The following ACVR2A variants were observed in gnomAD, a reference collection of about 807,000 sequenced individuals.
The protein encoded by ACVR2A is activin A receptor type 2A.
ACVR2A carries 7 observed loss-of-function variants against 61.4 expected under a neutral mutation model. The ratio of observed to expected loss-of-function variants is 0.11; its 90% CI spans 0.06 to 0.21. ACVR2A has a LOEUF of 0.21. ACVR2A is among the 10% of genes least tolerant of loss of function. The pLI is 1.00. For synonymous variants in ACVR2A, 193 were observed against 208.3 expected (o/e 0.93, Z 0.63); for missense variants, 322 against 621.7 (o/e 0.52, Z 5.13).
chr2:147,903,295 G>C (rs922153120), intron 4 of ACVR2A, among the ~76,000 whole-genome samples: 1 of 144,128 alleles, frequency 6.9e-6, no homozygotes, highest in Non-Finnish European at 1.5e-5. Context: ...ATTGTTTCAT[G>C]GTATCACTTT....
At chr2:147,889,870 C>G (rs1209516558) in intron 1 of ACVR2A, among the ~76,000 whole-genome samples, 2 of 151,000 alleles carry the variant, frequency 1.3e-5, no homozygotes, top group Admixed American at 6.6e-5. Context: ...AGTCAGTAAA[C>G]CATAAGCAGT....
At chr2:147,875,607 G>A (rs1377244817) in intron 1 of ACVR2A, among the ~76,000 whole-genome samples, 1 of 152,036 alleles carries the variant, frequency 6.6e-6, no homozygotes, top group Non-Finnish European at 1.5e-5. Context: ...TTTGATGGAG[G>A]TTGTGCACTG....
intron 1 of ACVR2A, among the ~76,000 whole-genome samples, chr2:147,854,020 GT>G (rs1375557351): frequency 6.6e-6 from 1 of 152,010 alleles, no homozygotes; most frequent in African/African-American, 2.4e-5. Flanking sequence ...TTACATATTA[GT>G]TTTTAATCTA....
rs1573693360 is a variant in ACVR2A at position 147,901,163 on chromosome 2, T to G, written c.528+1265T>G. On this transcript the variant is annotated intron_variant, in intron 4 of 10. Coordinates refer to ENST00000241416, the MANE Select transcript of ACVR2A (RefSeq NM_001616.5). Reference sequence around the variant, plus strand: ...GTTTTAGTACCTAGTCTATGTAGTTTACTCCAAATGGCCATAGGATACACT... The same window carrying G: ...GTTTTAGTACCTAGTCTATGTAGTTGACTCCAAATGGCCATAGGATACACT... 2.0e-5 allele frequency among the ~76,000 whole-genome samples: 3 copies of G among 152,072 alleles called. No homozygotes were observed. In the East Asian group the frequency reaches 5.8e-4, roughly 29 times the overall value.
At chr2:147,881,468 T>C (rs1686296186) in intron 1 of ACVR2A, among the ~76,000 whole-genome samples, 1 of 152,116 alleles carries the variant, frequency 6.6e-6, no homozygotes, top group African/African-American at 2.4e-5. Flanking sequence ...AGTGTGTCTG[T>C]ATCTGTGACT....
chr2:147,919,002 T>C (rs1461680377), intron 7 of ACVR2A, among the ~76,000 whole-genome samples: 1 of 152,062 alleles, frequency 6.6e-6, no homozygotes, highest in Non-Finnish European at 1.5e-5. Context: ...AGCCAAGTCT[T>C]AAAGGGAGGC....
intron 9 of ACVR2A, among the ~76,000 whole-genome samples, chr2:147,924,694 CGT>C: frequency 1.3e-5 from 2 of 151,988 alleles, no homozygotes; most frequent in Non-Finnish European, 2.9e-5. Flanking sequence ...GGTGCTTTCA[CGT>C]GTGTTGATGG....
At position 147,853,176 on chromosome 2, in the gene ACVR2A, G is replaced by A. The variant is rs200989497; in HGVS notation, c.55+7969G>A. 3.9e-4 allele frequency among the ~76,000 whole-genome samples: 59 copies of A among 152,172 alleles called. No homozygotes were observed. The East Asian group carries it at 8.3e-3, about 21-fold the overall frequency. The stretch of plus-strand genomic sequence containing the variant: ...CTAAAAAAGTTTACAGATAGATATA[G>A]TTTTAGATGATAAGCATGAATAGAA... On this transcript the variant is annotated intron_variant, in intron 1 of 10. Coordinates refer to ENST00000241416, the MANE Select transcript of ACVR2A (RefSeq NM_001616.5).
intron 4 of ACVR2A, among the ~76,000 whole-genome samples, chr2:147,903,801 C>T (rs1686926787): frequency 6.6e-6 from 1 of 151,914 alleles, no homozygotes; most frequent in Non-Finnish European, 1.5e-5. Context: ...GTGTTTTATT[C>T]TCCCACTAGA....
At chr2:147,845,275 G>GGCGGCCGCT in intron 1 of ACVR2A, 68 bp downstream of exon 1, 1 of 1,509,866 alleles carries the variant, frequency 6.6e-7, no homozygotes, top group Non-Finnish European at 9.1e-7. Context: ...TGGGGGCCGC[G>GGCGGCCGCT]GCTGGTGTTG....
intron 4 of ACVR2A, among the ~76,000 whole-genome samples, chr2:147,909,521 G>A (rs955961069): frequency 2.0e-5 from 3 of 152,044 alleles, no homozygotes; most frequent in African/African-American, 7.2e-5. Context: ...GTGCAGATTC[G>A]ATTTTCACCG....
At chr2:147,886,771 CTTT>C (rs377359030) in intron 1 of ACVR2A, among the ~76,000 whole-genome samples, 2 of 128,430 alleles carry the variant, frequency 1.6e-5, no homozygotes, top group Non-Finnish European at 3.4e-5. Flanking sequence ...CTAGTGGCAT[CTTT>C]TTTTTTTTTT....
intron 10 of ACVR2A, 115 bp downstream of exon 10, chr2:147,926,276 C>T (rs908057553): frequency 5.2e-5 from 68 of 1,313,990 alleles, no homozygotes; most frequent in Admixed American, 3.2e-4. Flanking sequence ...AGGTGATCTT[C>T]ACACAGGATA....
chr2:147,890,857 G>C (rs925572383), intron 1 of ACVR2A, among the ~76,000 whole-genome samples: 3 of 151,926 alleles, frequency 2.0e-5, no homozygotes, highest in Non-Finnish European at 1.5e-5. Context: ...GACTTGATGG[G>C]ATAGAGACTG....
At chr2:147,879,422 C>A (rs946318242) in intron 1 of ACVR2A, among the ~76,000 whole-genome samples, 1 of 152,170 alleles carries the variant, frequency 6.6e-6, no homozygotes, top group Non-Finnish European at 1.5e-5. Context: ...CCTCTCAATA[C>A]ACTGGCAATT....
chr2:147,920,041 T>C (rs1381147578), intron 7 of ACVR2A, among the ~76,000 whole-genome samples, 189 bp from the exon 8 acceptor site: 1 of 152,114 alleles, frequency 6.6e-6, no homozygotes, highest in Non-Finnish European at 1.5e-5. Context: ...GAATAGGGGT[T>C]TGTCACCGTG....
chr2:147,849,278 C>T (rs922364272), intron 1 of ACVR2A, among the ~76,000 whole-genome samples: 3 of 152,046 alleles, frequency 2.0e-5, no homozygotes, highest in South Asian at 2.1e-4. Context: ...GGATATTTGC[C>T]TTTATTTTTA....
At chr2:147,885,545 G>A (rs1158870722) in intron 1 of ACVR2A, among the ~76,000 whole-genome samples, 1 of 152,064 alleles carries the variant, frequency 6.6e-6, no homozygotes, top group Non-Finnish European at 1.5e-5. Flanking sequence ...ATCATAGTAT[G>A]TACCTGTAGC....
intron 1 of ACVR2A, among the ~76,000 whole-genome samples, chr2:147,873,894 A>T (rs543764196): frequency 1.3e-5 from 2 of 152,124 alleles, no homozygotes; most frequent in East Asian, 1.9e-4. Context: ...AGAAGTAGTT[A>T]TTCATGAAAC....
Sources: allele counts gnomAD v4.1 joint callset (sites outside exome capture counted in the v4.1 genomes callset), GRCh38; gene constraint gnomAD v4.1.1; transcripts MANE v1.5; gene names NCBI Gene and HGNC (gene_info 2026-07-23, HGNC 2026-07-21).